GDAP1: variants seen among roughly 807,000 people sequenced by gnomAD.
GDAP1 encodes the protein ganglioside induced differentiation associated protein 1.
GDAP1 carries 34 observed loss-of-function variants against 40.1 expected under a neutral mutation model. The ratio of observed to expected loss-of-function variants is 0.85; its 90% CI spans 0.64 to 1.13. The LOEUF is 1.13. Ranked by LOEUF, GDAP1 falls within the 50% of genes most tolerant of loss-of-function variation. The probability of loss-of-function intolerance (pLI) is 0.00; values close to 1 mark genes in which losing one functional copy is unlikely to be tolerated. For missense variants in GDAP1, 374 were observed against 433.7 expected, an observed-to-expected ratio of 0.86 and a Z score of 1.22; for synonymous variants, 170 against 157.4, an observed-to-expected ratio of 1.08 and a Z score of -0.60.
chr8:74,407,709 A>G (rs1216220350), intron 2 of GDAP1, among the ~76,000 whole-genome samples: 1 of 149,650 alleles, frequency 6.7e-6, no homozygotes, highest in East Asian at 1.9e-4. Context: ...CCTGACTAAT[A>G]TACCTGTCTT....
At chr8:74,429,341 G>A (rs916507816) in intron 2 of GDAP1, among the ~76,000 whole-genome samples, 2 of 151,898 alleles carry the variant, frequency 1.3e-5, no homozygotes, top group Non-Finnish European at 2.9e-5. Context: ...GAGACAAATG[G>A]CTAATTATAG....
At chr8:74,368,879 A>G (rs1809703133), downstream of GDAP1, among the ~76,000 whole-genome samples, 1 of 151,998 alleles carries the variant, frequency 6.6e-6, no homozygotes, top group South Asian at 2.1e-4. Context: ...AGTGCTCCCC[A>G]CCCCAATTGT....
chr8:74,374,109 A>C (rs1412990345), intron 2 of GDAP1, among the ~76,000 whole-genome samples: 1 of 152,176 alleles, frequency 6.6e-6, no homozygotes, highest in African/African-American at 2.4e-5. Context: ...GATGAAGACC[A>C]CTTGATCATG....
At chr8:74,397,768 A>G (rs900117608) in intron 2 of GDAP1, among the ~76,000 whole-genome samples, 4 of 152,118 alleles carry the variant, frequency 2.6e-5, no homozygotes, top group Non-Finnish European at 4.4e-5. Flanking sequence ...GCCTTGTAGT[A>G]TAGTTTGAGA....
chr8:74,486,479 T>G (rs977444857), intron 2 of GDAP1, among the ~76,000 whole-genome samples: 5 of 152,196 alleles, frequency 3.3e-5, no homozygotes, highest in African/African-American at 1.2e-4. Flanking sequence ...CATAATGCAC[T>G]TCACGAATAA....
intron 2 of GDAP1, among the ~76,000 whole-genome samples, chr8:74,484,081 A>G (rs1287200583): frequency 6.6e-6 from 1 of 152,196 alleles, no homozygotes; most frequent in Admixed American, 6.6e-5. Flanking sequence ...ATATTGGTTT[A>G]ATGAATAAAT....
At chr8:74,473,234 A>G (rs556043320) in intron 2 of GDAP1, among the ~76,000 whole-genome samples, 15 of 152,198 alleles carry the variant, frequency 9.9e-5, no homozygotes, top group African/African-American at 2.9e-4. Context: ...ACTTTCTCCA[A>G]TTCTGTAGGT....
chr8:74,357,236 T>C (rs1379123782), intron 2 of GDAP1, among the ~76,000 whole-genome samples: 1 of 152,202 alleles, frequency 6.6e-6, no homozygotes, highest in African/African-American at 2.4e-5. Context: ...GAGTCTTTCT[T>C]GAAAACAAGG....
chr8:74,443,285 C>T (rs1806184477), intron 2 of GDAP1, among the ~76,000 whole-genome samples: 1 of 152,028 alleles, frequency 6.6e-6, no homozygotes, highest in African/African-American at 2.4e-5. Context: ...CTGTAAAGAG[C>T]CTTTCTGTTA....
chr8:74,442,355 G>T (rs1297758128), intron 2 of GDAP1, among the ~76,000 whole-genome samples: 1 of 152,184 alleles, frequency 6.6e-6, no homozygotes, highest in African/African-American at 2.4e-5. Context: ...GTCATGCAAA[G>T]CTTAGTGTTT....
At position 74,366,199 on chromosome 8, in the gene GDAP1, G is replaced by A. The variant is rs762796139; in HGVS notation, c.*1832G>A. ...CCTTGTACAGTTTCTTTGGAAATAC[G>A]TTAAAGATAGTGGCAATTTCATATA... On this transcript the variant is annotated 3_prime_UTR_variant, in exon 6 of 6. Coordinates refer to ENST00000220822, the MANE Select transcript of GDAP1 (RefSeq NM_018972.4). The A allele has an allele frequency of 1.6e-4, 73 of 453,922 alleles. No individual in the cohort carries two copies. The highest frequency in any genetic ancestry group is 6.8e-4 in the Middle Eastern group (1 of 1,466). The allele number at this position is 453,922 out of a possible 1,614,324, so 28.1% of individuals were successfully genotyped here. A position where few individuals can be genotyped will look rare whatever the true frequency, so the allele number is the denominator to read the frequency against.
At chr8:74,374,886 A>C (rs991257525) in intron 2 of GDAP1, among the ~76,000 whole-genome samples, 5 of 152,214 alleles carry the variant, frequency 3.3e-5, no homozygotes, top group Admixed American at 1.3e-4. Context: ...TCAAGGCCTA[A>C]ATGGTTTTAT....
In GDAP1 at chr8:74,411,307, A is replaced by G. The variant is rs373418414; in HGVS notation, c.165+59986A>G. Among the ~76,000 whole-genome samples the G allele has an allele frequency of 1.8e-4, 27 of 149,790 alleles. 5 individuals are homozygous for G. The highest frequency in any genetic ancestry group is 9.6e-4 in the East Asian group (5 of 5,194). ...TCCTATGAGTGGTATCCTTAGAAAT[A>G]TCACTCGTTTTGTTTTGGAAGCAAA... On this transcript the variant is annotated intron_variant, in intron 2 of 2. Transcript: ENST00000523640.
At chr8:74,436,810 T>C (rs1806095030) in intron 2 of GDAP1, among the ~76,000 whole-genome samples, 1 of 152,146 alleles carries the variant, frequency 6.6e-6, no homozygotes, top group African/African-American at 2.4e-5. Context: ...AAGCCAGAGA[T>C]AATCAGTTTC....
At chr8:74,453,818 G>A (rs1474200497) in intron 2 of GDAP1, among the ~76,000 whole-genome samples, 2 of 81,874 alleles carry the variant, frequency 2.4e-5, no homozygotes, top group Admixed American at 2.5e-4. Flanking sequence ...GAAGCCCCGT[G>A]CCCAGTAACA....
chr8:74,367,069 T>C (rs1809669202), downstream of GDAP1: 1 of 179,836 alleles, frequency 5.6e-6, no homozygotes, highest in Non-Finnish European at 1.1e-5. Flanking sequence ...TTAAAATGAA[T>C]AGCGGCCTAA....
rs1006808060 is a variant in GDAP1, at chr8:74,366,723, T to G, written c.*2356T>G. On this transcript the variant is annotated 3_prime_UTR_variant, in exon 6 of 6. Coordinates refer to ENST00000220822, the MANE Select transcript of GDAP1 (RefSeq NM_018972.4). ...TGAATCCATTTTCCATAATTGCGGA[T>G]AGTCATAAATTGCTTGCTCAATTTT... 6.6e-6 allele frequency: 3 copies of G among 452,522 alleles called. No homozygotes were observed. Among genetic ancestry groups the G allele is most frequent in the Non-Finnish European group, 1.3e-5 (3 of 226,390 alleles). 28.0% of individuals were successfully genotyped at this position (452,522 alleles called of 1,614,324 possible).
At chr8:74,429,324 A>C (rs1805997562) in intron 2 of GDAP1, among the ~76,000 whole-genome samples, 1 of 152,086 alleles carries the variant, frequency 6.6e-6, no homozygotes, top group Non-Finnish European at 1.5e-5. Context: ...ATAATAAAAA[A>C]GTCTAAGAGA....
chr8:74,416,809 G>T (rs774364507), intron 2 of GDAP1, among the ~76,000 whole-genome samples: 5 of 149,976 alleles, frequency 3.3e-5, no homozygotes, highest in Non-Finnish European at 7.3e-5. Context: ...GCTCCTAGGG[G>T]GAAGGGGAGT....
Sources: allele counts gnomAD v4.1 joint callset (sites outside exome capture counted in the v4.1 genomes callset), GRCh38; gene constraint gnomAD v4.1.1; transcripts MANE v1.5; gene names NCBI Gene and HGNC (gene_info 2026-07-23, HGNC 2026-07-21).